B4GALT6: variants seen among roughly 807,000 people sequenced by gnomAD.
B4GALT6 encodes the protein beta-1,4-galactosyltransferase 6.
A neutral mutation model predicts 46.3 loss-of-function variants in B4GALT6; 14 were observed. The ratio of observed to expected loss-of-function variants is 0.30; its 90% confidence interval spans 0.20 to 0.47. The LOEUF (loss-of-function observed/expected upper bound fraction) is 0.47, where lower values mean the gene tolerates loss of function less well. Ranked by LOEUF, B4GALT6 falls within the 20% of genes least tolerant of loss-of-function variation. B4GALT6 has a pLI of 0.99. For synonymous variants in B4GALT6, 168 were observed against 162.0 expected (o/e 1.04, Z -0.28); for missense variants, 386 against 480.1 (o/e 0.80, Z 1.83).
At chr18:31,723,448 C>T in the B4GALT6 span, among the ~76,000 whole-genome samples, 3 of 152,150 alleles carry the variant, frequency 2.0e-5, no homozygotes, top group Non-Finnish European at 4.4e-5. Context: ...CCTGTGTGCA[C>T]ACAGGGTAGA....
intron 6 of B4GALT6, among the ~76,000 whole-genome samples, chr18:31,630,193 C>T (rs1168782452): frequency 1.3e-5 from 2 of 152,016 alleles, no homozygotes; most frequent in Admixed American, 6.6e-5. Flanking sequence ...AGACTTTTTG[C>T]TTCTCTGTAC....
intron 3 of B4GALT6, among the ~76,000 whole-genome samples, chr18:31,653,952 C>T (rs2144628566): frequency 6.6e-6 from 1 of 151,946 alleles, no homozygotes; most frequent in East Asian, 1.9e-4. Context: ...ATATGCATGA[C>T]AGTTTGTTAC....
intron 1 of B4GALT6, among the ~76,000 whole-genome samples, chr18:31,672,884 G>A (rs556208382): frequency 2.6e-5 from 4 of 152,298 alleles, no homozygotes; most frequent in Non-Finnish European, 5.9e-5. Context: ...GCCTACAGGA[G>A]ATCACTGTAA....
At chr18:31,634,548 A>C (rs958883349) in intron 5 of B4GALT6, among the ~76,000 whole-genome samples, 1 of 152,156 alleles carries the variant, frequency 6.6e-6, no homozygotes, top group Non-Finnish European at 1.5e-5. Flanking sequence ...GACTTAACCG[A>C]AACGTGTGAA....
intron 1 of B4GALT6, among the ~76,000 whole-genome samples, chr18:31,670,549 T>C (rs2074339236): frequency 6.6e-6 from 1 of 152,176 alleles, no homozygotes; most frequent in Non-Finnish European, 1.5e-5. Flanking sequence ...TCCTCATGGG[T>C]TTAATCCCTA....
At chr18:31,636,630 T>C (rs2073862356) in intron 5 of B4GALT6, among the ~76,000 whole-genome samples, 1 of 152,156 alleles carries the variant, frequency 6.6e-6, no homozygotes. Flanking sequence ...GAAAGGTCAG[T>C]ATACATTAAC....
chr18:31,716,774 T>A, the B4GALT6 span, among the ~76,000 whole-genome samples: 1 of 152,190 alleles, frequency 6.6e-6, no homozygotes, highest in Non-Finnish European at 1.5e-5. Flanking sequence ...GGGGCATTAA[T>A]GTGCTAACAG....
chr18:31,629,876 A>G (rs1282616908), intron 6 of B4GALT6, among the ~76,000 whole-genome samples: 1 of 150,770 alleles, frequency 6.6e-6, no homozygotes, highest in Non-Finnish European at 1.5e-5. Context: ...GAAAAAGAGA[A>G]CCAGATTGTG....
At chr18:31,675,961 A>T (rs2074409715) in intron 1 of B4GALT6, among the ~76,000 whole-genome samples, 1 of 152,206 alleles carries the variant, frequency 6.6e-6, no homozygotes, top group Non-Finnish European at 1.5e-5. Flanking sequence ...AGTATTCATG[A>T]AAGGAAAATG....
At chr18:31,674,553 T>C (rs1020225288) in intron 1 of B4GALT6, among the ~76,000 whole-genome samples, 2 of 152,196 alleles carry the variant, frequency 1.3e-5, no homozygotes, top group African/African-American at 4.8e-5. Context: ...ACTACAGATA[T>C]GTGAATCAGG....
At chr18:31,719,363 GCAACCTGCTCCAGAC>G in the B4GALT6 span, among the ~76,000 whole-genome samples, 6 of 152,172 alleles carry the variant, frequency 3.9e-5, no homozygotes, top group African/African-American at 1.4e-4. Context: ...AACTCATCTG[GCAACCTGCTCCAGAC>G]CAAATTCCCG....
At chr18:31,693,764 T>C in the B4GALT6 span, among the ~76,000 whole-genome samples, 1 of 152,010 alleles carries the variant, frequency 6.6e-6, no homozygotes. Flanking sequence ...GCCCAGGAGT[T>C]CAAGACCAGC....
chr18:31,684,994 G>C (rs1353404948), upstream of B4GALT6, among the ~76,000 whole-genome samples: 1 of 146,836 alleles, frequency 6.8e-6, no homozygotes. Flanking sequence ...CGTGGGCGCC[G>C]GGGCCGCAAC....
chr18:31,717,846 C>T, the B4GALT6 span, among the ~76,000 whole-genome samples: 1,538 of 150,002 alleles, frequency 0.01, 26 homozygotes, highest in African/African-American at 0.033. Context: ...CCCAGCTACT[C>T]GGGAGGCTGA....
chr18:31,694,379 G>C, the B4GALT6 span, among the ~76,000 whole-genome samples: 2 of 152,192 alleles, frequency 1.3e-5, no homozygotes, highest in Non-Finnish European at 2.9e-5. Context: ...ACTACTGCTT[G>C]CATTAAGCAC....
the B4GALT6 span, among the ~76,000 whole-genome samples, chr18:31,693,489 TTAA>T: frequency 6.6e-6 from 1 of 152,148 alleles, no homozygotes; most frequent in African/African-American, 2.4e-5. Context: ...TATTACAAAA[TTAA>T]TAAAATATTA....
chr18:31,665,692 A>G (rs1023174385), intron 2 of B4GALT6, among the ~76,000 whole-genome samples: 11 of 152,216 alleles, frequency 7.2e-5, no homozygotes, highest in Non-Finnish European at 1.6e-4. Flanking sequence ...CAGTGAGCCA[A>G]GATTGCGCCA....
the B4GALT6 span, among the ~76,000 whole-genome samples, chr18:31,693,627 G>A: frequency 1.3e-5 from 2 of 152,050 alleles, no homozygotes; most frequent in African/African-American, 4.8e-5. Flanking sequence ...CAAAACTAAT[G>A]TGAAGAAAGA....
At chr18:31,653,442 T>C (rs923934720) in intron 3 of B4GALT6, among the ~76,000 whole-genome samples, 4 of 141,036 alleles carry the variant, frequency 2.8e-5, no homozygotes, top group South Asian at 2.5e-4. Flanking sequence ...TTTCTTTTTT[T>C]TTTTTTTTTT....
Sources: allele counts gnomAD v4.1 joint callset (sites outside exome capture counted in the v4.1 genomes callset), GRCh38; gene constraint gnomAD v4.1.1; transcripts MANE v1.5; gene names NCBI Gene and HGNC (gene_info 2026-07-23, HGNC 2026-07-21).